CNP: variants seen among roughly 807,000 people sequenced by gnomAD.
CNP encodes the protein 2',3'-cyclic-nucleotide 3'-phosphodiesterase.
CNP carries 8 observed loss-of-function variants against 37.9 expected under a neutral mutation model. That is an observed-to-expected ratio of 0.21 (90% CI 0.12 to 0.38). The LOEUF is 0.38. Among genes scored for constraint, CNP ranks in the 10% least tolerant of loss-of-function variants. The pLI is 1.00. For missense variants in CNP, 457 were observed against 551.0 expected, an observed-to-expected ratio of 0.83 and a Z score of 1.71; for synonymous variants, 237 against 238.3, an observed-to-expected ratio of 0.99 and a Z score of 0.05.
rs552455400 is a variant in CNP, at chr17:41,966,996, C to G, written c.3+109C>G. On this transcript the variant is annotated intron_variant, in intron 1 of 3. Coordinates refer to ENST00000393892, the MANE Select transcript of CNP (RefSeq NM_033133.5). Reference sequence around the variant, plus strand: ...AAACGAGGACCCGGGGCTCCGGGTTCGACTTCCAGTTTTCTTGGTACTCAG... The same window carrying G: ...AAACGAGGACCCGGGGCTCCGGGTTGGACTTCCAGTTTTCTTGGTACTCAG... 156 of 1,206,602 alleles carry G rather than the reference C, an allele frequency of 1.3e-4. 1 individual carries two copies. In the African/African-American group the frequency reaches 2.2e-3, roughly 17 times the overall value. 74.7% of individuals were successfully genotyped at this position (1,206,602 alleles called of 1,614,324 possible). A position where few individuals can be genotyped will look rare whatever the true frequency, so the allele number is the denominator to read the frequency against.
In CNP at chr17:41,974,031, A is replaced by C. The variant is rs1567948460; in HGVS notation, c.*107A>C. ...TTTTTTTTTTTTTTTTTTTACTCAA[A>C]GTTAACCTACCTGTAACTTTTTAAA... On this transcript the variant is annotated 3_prime_UTR_variant, in exon 4 of 4. Transcript: ENST00000393892. 1 of 984,204 alleles carries C rather than the reference A, an allele frequency of 1.0e-6. No individual in the cohort carries two copies. Among genetic ancestry groups the C allele is most frequent in the Non-Finnish European group, 1.4e-6 (1 of 724,686 alleles). 61.0% of individuals were successfully genotyped at this position (984,204 alleles called of 1,614,324 possible).
rs2051108162 is a variant in CNP, at chr17:41,977,175, CCT to C, written c.*3254_*3255del. On this transcript the variant is annotated 3_prime_UTR_variant, in exon 4 of 4. Transcript: ENST00000393892. ...ATTCAGCTGCCCCCGCTCATGGGCC[CCT>C]CTGACTCCCAAAGAGCTGCCTAAGA... 3 of 1,354,468 alleles carry C rather than the reference CCT, an allele frequency of 2.2e-6. No homozygotes were observed. Among genetic ancestry groups the C allele is most frequent in the Non-Finnish European group, 3.1e-6 (3 of 974,946 alleles). 83.9% of individuals were successfully genotyped at this position (1,354,468 alleles called of 1,614,324 possible).
chr17:41,974,046 A>G lies in CNP; in HGVS notation c.*122A>G, dbSNP rs2051036072. The G allele has an allele frequency of 2.3e-6, 2 of 879,554 alleles. No individual in the cohort carries two copies. The highest frequency in any genetic ancestry group is 3.7e-5 in the Admixed American group (1 of 26,754). The allele number at this position is 879,554 out of a possible 1,614,324, so 54.5% of individuals were successfully genotyped here. ...TTTTACTCAAAGTTAACCTACCTGT[A>G]ACTTTTTAAAAACTTGTAAAATAAC... On this transcript the variant is annotated 3_prime_UTR_variant, in exon 4 of 4. Transcript: ENST00000393892.
intron 1 of CNP, 104 bp from the exon 2 acceptor site, chr17:41,967,964 G>T: frequency 6.6e-7 from 1 of 1,520,250 alleles, no homozygotes. Flanking sequence ...GTCCAGCACT[G>T]CCCCGCTTGG....
chr17:41,968,867 C>T lies in CNP; in HGVS notation c.676+127C>T, dbSNP rs568837179. 2.6e-6 allele frequency: 3 copies of T among 1,157,158 alleles called. No homozygotes were observed. Among genetic ancestry groups the T allele is most frequent in the East Asian group, 5.2e-5 (2 of 38,770 alleles). The allele number at this position is 1,157,158 out of a possible 1,614,324, so 71.7% of individuals were successfully genotyped here. ...GGAGGCAGAGAGAGGCTCACCTCAG[C>T]GGGGGCAGGGGCAAGCGGTGCGTCC... On this transcript the variant is annotated intron_variant, in intron 2 of 3. Coordinates refer to ENST00000393892, the MANE Select transcript of CNP (RefSeq NM_033133.5). This position sits in a 1 kb window ranked among gnomAD's most constrained non-coding sequence, Gnocchi z 4.8.
In CNP at chr17:41,967,880, C is replaced by T. The variant is rs1181160137; in HGVS notation, c.4-188C>T. 3.5e-6 allele frequency: 5 copies of T among 1,425,330 alleles called. No homozygotes were observed. The African/African-American group carries it at 4.3e-5, about 12-fold the overall frequency. The allele number at this position is 1,425,330 out of a possible 1,614,324, so 88.3% of individuals were successfully genotyped here. On this transcript the variant is annotated intron_variant, in intron 1 of 3. Transcript: ENST00000393892. ...TGGGGAAAGCGCACGCTTAGGAGAG[C>T]TTCAGACAAGCTTCCCTCTTCCTCC...
In CNP at chr17:41,971,900, G is replaced by C; in HGVS notation, c.685G>C (p.Gly229Arg). 6.2e-7 allele frequency: 1 copy of C among 1,613,750 alleles called. No homozygotes were observed. Among genetic ancestry groups the C allele is most frequent in the African/African-American group, 1.3e-5 (1 of 74,920 alleles). Residue 229 changes from glycine to arginine, a missense_variant, in exon 3 of 4, where the codon GGG becomes CGG. Gly to Arg is a moderately radical substitution (Grantham distance 125). Transcript: ENST00000393892. ...FKKELRQFVP[G>R]DEPREKMDLV... Reference sequence around the variant, plus strand: ...CCGTTTTCTCCCGGCAGTCGTCCCTGGGGATGAGCCCAGGGAGAAGATGGA... The same window carrying C: ...CCGTTTTCTCCCGGCAGTCGTCCCTCGGGATGAGCCCAGGGAGAAGATGGA...
chr17:41,974,006 T>A lies in CNP; in HGVS notation c.*82T>A. On this transcript the variant is annotated 3_prime_UTR_variant, in exon 4 of 4. Coordinates refer to ENST00000393892, the MANE Select transcript of CNP (RefSeq NM_033133.5). Reference sequence around the variant, plus strand: ...CTGTTTGATCCTTGTTTTGTGACATTTTTTTTTTTTTTTTTTTTACTCAAA... The same window carrying A: ...CTGTTTGATCCTTGTTTTGTGACATATTTTTTTTTTTTTTTTTTACTCAAA... The A allele has an allele frequency of 4.7e-6, 1 of 214,646 alleles. No homozygotes were observed. Among genetic ancestry groups the A allele is most frequent in the African/African-American group, 2.9e-5 (1 of 34,418 alleles). The allele number at this position is 214,646 out of a possible 1,614,324, so 13.3% of individuals were successfully genotyped here.
chr17:41,969,732 T>A (rs963641522), intron 2 of CNP, among the ~76,000 whole-genome samples: 2 of 152,168 alleles, frequency 1.3e-5, no homozygotes, highest in Non-Finnish European at 2.9e-5. Flanking sequence ...ATTTTTGTAT[T>A]TTTAGTAGAG....
chr17:41,967,811 C>T, intron 1 of CNP: 1 of 1,317,240 alleles, frequency 7.6e-7, no homozygotes, highest in Non-Finnish European at 9.7e-7. Flanking sequence ...TCCTGGCGCG[C>T]CCCGCATGCC....
rs1267260406 is a variant in CNP, at chr17:41,973,729, G to A, written c.1071G>A (p.Gly357=). The A allele has an allele frequency of 6.2e-6, 10 of 1,611,742 alleles. No individual in the cohort carries two copies. In the African/African-American group the frequency reaches 8.0e-5, roughly 13 times the overall value. The change falls in exon 4 of 4, where the codon GGG becomes GGA. Residue 357 remains glycine, a synonymous_variant. Transcript: ENST00000393892. ...DLLEILRQEK[G]GSRGEEVGEL... ...TAGAGATTCTGCGGCAGGAGAAGGG[G>A]GGCAGCCGAGGCGAGGAGGTGGGCG...
At chr17:41,969,813 C>T (rs1175800108) in intron 2 of CNP, among the ~76,000 whole-genome samples, 2 of 152,204 alleles carry the variant, frequency 1.3e-5, no homozygotes, top group Admixed American at 1.3e-4. Flanking sequence ...GCCTTGGCCT[C>T]CCAAAGTGCT....
chr17:41,975,848 G>A lies in CNP; in HGVS notation c.*1924G>A, dbSNP rs1346872870. The A allele has an allele frequency of 1.3e-5, 2 of 152,246 alleles. No individual in the cohort carries two copies. Among genetic ancestry groups the A allele is most frequent in the Middle Eastern group, 3.1e-3 (1 of 318 alleles). 9.4% of individuals were successfully genotyped at this position (152,246 alleles called of 1,614,324 possible). A position where few individuals can be genotyped will look rare whatever the true frequency, so the allele number is the denominator to read the frequency against. ...GAAGGCTACTCACCTTGAACACCAC[G>A]CTTGACAGGACAGCATGGTGCATGC... On this transcript the variant is annotated 3_prime_UTR_variant, in exon 4 of 4. Coordinates refer to ENST00000393892, the MANE Select transcript of CNP (RefSeq NM_033133.5).
Position 41,968,829 on chromosome 17 carries a change from G to GC in CNP, c.676+90dup. 1.4e-6 allele frequency: 2 copies of GC among 1,392,830 alleles called. No homozygotes were observed. Among genetic ancestry groups the GC allele is most frequent in the Non-Finnish European group, 1.9e-6 (2 of 1,043,006 alleles). 86.3% of individuals were successfully genotyped at this position (1,392,830 alleles called of 1,614,324 possible). A position where few individuals can be genotyped will look rare whatever the true frequency, so the allele number is the denominator to read the frequency against. On this transcript the variant is annotated intron_variant, in intron 2 of 3. Coordinates refer to ENST00000393892, the MANE Select transcript of CNP (RefSeq NM_033133.5). The surrounding 1 kb of genome is among the most constrained non-coding windows in gnomAD (Gnocchi z 4.8). ...ACCATCATTGTACTCAAAGGATGGA[G>GC]CACGAAGCAGCAGGAGGCAGAGAGA... is the stretch of plus-strand genomic sequence containing the variant.
At chr17:41,967,573 G>A in intron 1 of CNP, 1 of 824,872 alleles carries the variant, frequency 1.2e-6, no homozygotes, top group African/African-American at 1.8e-5. Context: ...CAGCCCTTCT[G>A]TGGGACCATT....
chr17:41,966,820 C>A lies in CNP; in HGVS notation c.-65C>A. 1 of 1,377,622 alleles carries A rather than the reference C, an allele frequency of 7.3e-7. No individual in the cohort carries two copies. Among genetic ancestry groups the A allele is most frequent in the Non-Finnish European group, 9.4e-7 (1 of 1,066,510 alleles). 85.3% of individuals were successfully genotyped at this position (1,377,622 alleles called of 1,614,324 possible). A position where few individuals can be genotyped will look rare whatever the true frequency, so the allele number is the denominator to read the frequency against. On this transcript the variant is annotated 5_prime_UTR_variant, in exon 1 of 4. Transcript: ENST00000393892. ...ACCGCTGGACTCCCGTGTCCCTCCG[C>A]GCAGGCGGGCGGCCCCGGAGCGCTG...
Position 41,966,800 on chromosome 17 carries a change from T to A in CNP, c.-85T>A, listed in dbSNP as rs908785288. On this transcript the variant is annotated 5_prime_UTR_variant, in exon 1 of 4. Transcript: ENST00000393892. The stretch of plus-strand genomic sequence containing the variant: ...GGCCGGGCTCGGGTCGTGCCACCGC[T>A]GGACTCCCGTGTCCCTCCGCGCAGG... 1.2e-5 allele frequency: 16 copies of A among 1,353,232 alleles called. No individual in the cohort carries two copies. Among genetic ancestry groups the A allele is most frequent in the Non-Finnish European group, 1.4e-5 (15 of 1,052,468 alleles). The allele number at this position is 1,353,232 out of a possible 1,614,324, so 83.8% of individuals were successfully genotyped here. A position where few individuals can be genotyped will look rare whatever the true frequency, so the allele number is the denominator to read the frequency against.
At chr17:41,972,574 T>C (rs1281167251) in intron 3 of CNP, among the ~76,000 whole-genome samples, 2 of 152,164 alleles carry the variant, frequency 1.3e-5, no homozygotes, top group Non-Finnish European at 2.9e-5. Flanking sequence ...ATGTCACCCA[T>C]ATCCACAGTC....
In CNP at chr17:41,975,003, G is replaced by C. The variant is rs2051055320; in HGVS notation, c.*1079G>C. Reference sequence around the variant, plus strand: ...TTCTGGGAAGGGGTTTCTAACACTAGTCTGTGTGCTGTGGTTCCTGGGGTG... The same window carrying C: ...TTCTGGGAAGGGGTTTCTAACACTACTCTGTGTGCTGTGGTTCCTGGGGTG... On this transcript the variant is annotated 3_prime_UTR_variant, in exon 4 of 4. Transcript: ENST00000393892. 6.6e-6 allele frequency: 1 copy of C among 152,360 alleles called. No individual in the cohort carries two copies. The highest frequency in any genetic ancestry group is 2.4e-5 in the African/African-American group (1 of 41,452). 9.4% of individuals were successfully genotyped at this position (152,360 alleles called of 1,614,324 possible).
Sources: allele counts gnomAD v4.1 joint callset (sites outside exome capture counted in the v4.1 genomes callset), GRCh38; gene constraint gnomAD v4.1.1; non-coding constraint Gnocchi (gnomAD v3.1); transcripts MANE v1.5; gene names NCBI Gene and HGNC (gene_info 2026-07-23, HGNC 2026-07-21).